Variants in ARHGAP25 observed in about 807,000 individuals in gnomAD.
ARHGAP25 encodes Rho GTPase activating protein 25.
In ARHGAP25, 34 loss-of-function variants were observed where a neutral mutation model predicts 71.0. The ratio of observed to expected loss-of-function variants is 0.48; its 90% CI spans 0.36 to 0.64. The LOEUF is 0.64. ARHGAP25 is among the 30% of genes least tolerant of loss of function. ARHGAP25 has a pLI of 0.00. For synonymous variants in ARHGAP25, 282 were observed against 296.5 expected, an observed-to-expected ratio of 0.95 and a Z score of 0.50; for missense variants, 706 against 805.1, an observed-to-expected ratio of 0.88 and a Z score of 1.49.
At position 68,790,266 on chromosome 2, in the gene ARHGAP25, A is replaced by G. The variant is rs1238740040; in HGVS notation, c.466+2310A>G. 3.3e-5 allele frequency among the ~76,000 whole-genome samples: 5 copies of G among 152,348 alleles called. No individual in the cohort carries two copies. The East Asian group carries it at 9.6e-4, about 29-fold the overall frequency. ...CGGCTTCCCAAAGTGCTGGGATTAC[A>G]GGCATGAGCCACCGTGCCCAGCCAC... On this transcript the variant is annotated intron_variant, in intron 4 of 10. Transcript: ENST00000409202.
At chr2:68,715,197 C>G (rs969057081) in intron 2 of ARHGAP25, among the ~76,000 whole-genome samples, 1 of 152,162 alleles carries the variant, frequency 6.6e-6, no homozygotes, top group African/African-American at 2.4e-5. Flanking sequence ...CAGTGGTTCT[C>G]GAACTGGAAT....
chr2:68,798,550 GA>G (rs1679741229), intron 4 of ARHGAP25, among the ~76,000 whole-genome samples: 1 of 149,108 alleles, frequency 6.7e-6, no homozygotes, highest in South Asian at 2.1e-4. Context: ...TTCTCTCAAA[GA>G]GCTCACAAGC....
At chr2:68,739,884 T>G (rs988498823) in intron 1 of ARHGAP25, among the ~76,000 whole-genome samples, 1 of 152,154 alleles carries the variant, frequency 6.6e-6, no homozygotes, top group African/African-American at 2.4e-5. Context: ...GAAAGCTTGT[T>G]TAAAAACCAA....
chr2:68,826,345 G>T lies in ARHGAP25; in HGVS notation c.*151G>T. 1 of 778,804 alleles carries T rather than the reference G, an allele frequency of 1.3e-6. No individual in the cohort carries two copies. 48.2% of individuals were successfully genotyped at this position (778,804 alleles called of 1,614,324 possible). ...AAATTTCCCCATAAATAAATGAATG[G>T]AGTTTGCAGGAAGGTGAGGGTGAGC... On this transcript the variant is annotated 3_prime_UTR_variant, in exon 11 of 11. Transcript: ENST00000409202.
chr2:68,747,194 T>A lies in ARHGAP25; in HGVS notation c.61+11934T>A, dbSNP rs550642069. On this transcript the variant is annotated intron_variant, in intron 1 of 10. Transcript: ENST00000409202. ...CATTTTCTCCTTGAAAAAAAATTTT[T>A]TAGACTTCCTTGACACTGTGCCCCC... Among the ~76,000 whole-genome samples the A allele has an allele frequency of 2.6e-5, 4 of 152,182 alleles. 1 individual carries two copies. In the South Asian group the frequency reaches 8.3e-4, roughly 32 times the overall value.
intron 1 of ARHGAP25, among the ~76,000 whole-genome samples, chr2:68,736,443 A>G (rs1001433296): frequency 6.6e-6 from 1 of 152,204 alleles, no homozygotes; most frequent in Non-Finnish European, 1.5e-5. Context: ...CTAATGCTCA[A>G]TCTATGTCAT....
At chr2:68,753,394 T>G (rs936867018) in intron 1 of ARHGAP25, among the ~76,000 whole-genome samples, 4 of 152,146 alleles carry the variant, frequency 2.6e-5, no homozygotes, top group African/African-American at 7.2e-5. Context: ...TTGCTTTCCT[T>G]TGTATTAAAA....
chr2:68,720,316 C>CAAAAAAAAAAAA (rs11314943), intron 2 of ARHGAP25, among the ~76,000 whole-genome samples: 1 of 75,688 alleles, frequency 1.3e-5, no homozygotes, highest in Admixed American at 1.3e-4. Flanking sequence ...ACATTTCAGT[C>CAAAAAAAAAAAA]AAAAAAAAAA....
chr2:68,793,455 G>A (rs969293665), intron 4 of ARHGAP25, among the ~76,000 whole-genome samples: 7 of 152,088 alleles, frequency 4.6e-5, no homozygotes, highest in Non-Finnish European at 1.0e-4. Context: ...TTTTGTATAT[G>A]GTGAGAGATA....
At chr2:68,783,430 ATGCT>A (rs1218551660) in intron 3 of ARHGAP25, among the ~76,000 whole-genome samples, 3 of 151,726 alleles carry the variant, frequency 2.0e-5, no homozygotes, top group Admixed American at 1.3e-4. Context: ...AAGTTTCTAG[ATGCT>A]TGCTTGTTTG....
At chr2:68,761,669 C>T (rs1026927527) in intron 1 of ARHGAP25, among the ~76,000 whole-genome samples, 3 of 152,128 alleles carry the variant, frequency 2.0e-5, no homozygotes, top group East Asian at 1.9e-4. Flanking sequence ...AAATGCAACA[C>T]GAACTACAGC....
intron 1 of ARHGAP25, among the ~76,000 whole-genome samples, chr2:68,735,800 G>A (rs973224310): frequency 6.6e-6 from 1 of 152,126 alleles, no homozygotes; most frequent in African/African-American, 2.4e-5. Flanking sequence ...ATAATTAAAG[G>A]AACAGAATGG....
chr2:68,751,020 T>G (rs1368113009), intron 1 of ARHGAP25, among the ~76,000 whole-genome samples: 1 of 152,244 alleles, frequency 6.6e-6, no homozygotes, highest in Admixed American at 6.5e-5. Context: ...TTCACCCGCT[T>G]TAAGCACGAA....
chr2:68,712,921 A>G (rs926450699), intron 2 of ARHGAP25, among the ~76,000 whole-genome samples: 5 of 152,104 alleles, frequency 3.3e-5, no homozygotes, highest in African/African-American at 1.2e-4. Flanking sequence ...GCCTTGTAGT[A>G]TAGTTTGAAG....
intron 1 of ARHGAP25, among the ~76,000 whole-genome samples, chr2:68,762,869 T>C (rs1160740132): frequency 6.6e-6 from 1 of 152,100 alleles, no homozygotes; most frequent in African/African-American, 2.4e-5. Flanking sequence ...AGTCCTGACA[T>C]TTTTGTGAGG....
At chr2:68,822,939 C>G in intron 10 of ARHGAP25, 67 bp downstream of exon 10, 1 of 1,464,022 alleles carries the variant, frequency 6.8e-7, no homozygotes, top group Non-Finnish European at 9.1e-7. Context: ...GGGATTGTTC[C>G]CATCCGCCAG....
chr2:68,763,200 A>G (rs1041346287), intron 1 of ARHGAP25, among the ~76,000 whole-genome samples: 8 of 152,348 alleles, frequency 5.3e-5, no homozygotes, highest in Admixed American at 1.3e-4. Flanking sequence ...ATCAAACTCT[A>G]AAAAATCTTT....
At chr2:68,766,209 C>T (rs1677113409) in intron 1 of ARHGAP25, among the ~76,000 whole-genome samples, 1 of 152,210 alleles carries the variant, frequency 6.6e-6, no homozygotes, top group South Asian at 2.1e-4. Flanking sequence ...TTGGGCAGAG[C>T]TTACTGCACT....
rs180970268 is a variant in ARHGAP25 at position 68,777,575 on chromosome 2, T to A, written c.261+2155T>A. ...ACTAAATTAGCCTGAGATAATTAGG[T>A]AACACTTCTAGGATGACAAGGATAA... On this transcript the variant is annotated intron_variant, in intron 2 of 10. Coordinates refer to ENST00000409202, the MANE Select transcript of ARHGAP25 (RefSeq NM_001007231.3). Among the ~76,000 whole-genome samples the A allele has an allele frequency of 3.0e-3, 456 of 152,298 alleles. 4 individuals are homozygous for A. The highest frequency in any genetic ancestry group is 0.014 in the Middle Eastern group (4 of 294).
Sources: gnomAD v4.1 joint callset for allele counts (sites outside exome capture counted in the v4.1 genomes callset) on GRCh38, gnomAD v4.1.1 for gene constraint, MANE v1.5 for transcripts, NCBI Gene and HGNC (gene_info 2026-07-23, HGNC 2026-07-21) for gene names.